Variants in PRKCE observed in about 807,000 individuals in gnomAD.
PRKCE encodes the protein protein kinase C epsilon type.
PRKCE carries 16 observed loss-of-function variants against 85.4 expected under a neutral mutation model. The observed-to-expected ratio is 0.19, with a 90% CI of 0.13 to 0.28. The LOEUF (loss-of-function observed/expected upper bound fraction) is 0.28. Among genes scored for constraint, PRKCE ranks in the 10% least tolerant of loss-of-function variants. The pLI is 1.00. For synonymous variants in PRKCE, 388 were observed against 371.5 expected, an observed-to-expected ratio of 1.04 and a Z score of -0.51; for missense variants, 573 against 975.2, an observed-to-expected ratio of 0.59 and a Z score of 5.49.
At chr2:46,077,299 A>C (rs1325322529) in intron 10 of PRKCE, among the ~76,000 whole-genome samples, 1 of 152,140 alleles carries the variant, frequency 6.6e-6, no homozygotes, top group Non-Finnish European at 1.5e-5. Flanking sequence ...TCATGGGTGT[A>C]TACTCATCTC....
intron 2 of PRKCE, among the ~76,000 whole-genome samples, chr2:45,864,642 C>G (rs1478781666): frequency 6.6e-6 from 1 of 152,154 alleles, no homozygotes; most frequent in Non-Finnish European, 1.5e-5. Flanking sequence ...AGGATTTATT[C>G]CCATACCAAG....
upstream of PRKCE, chr2:45,651,560 C>A (rs965329334): frequency 2.6e-5 from 4 of 155,576 alleles, no homozygotes; most frequent in Admixed American, 6.2e-5. Flanking sequence ...GTTCACCCCC[C>A]CGCCCCGCGC....
chr2:45,654,248 G>A (rs1675278173), intron 1 of PRKCE, among the ~76,000 whole-genome samples: 1 of 152,228 alleles, frequency 6.6e-6, no homozygotes, highest in Non-Finnish European at 1.5e-5. Flanking sequence ...TATCTCTGGT[G>A]ATGCTTCACT....
chr2:45,913,487 C>A (rs528093944), intron 2 of PRKCE, among the ~76,000 whole-genome samples: 1 of 152,210 alleles, frequency 6.6e-6, no homozygotes, highest in Non-Finnish European at 1.5e-5. Flanking sequence ...ACTCCCTGCT[C>A]AGTGGAGCTC....
intron 2 of PRKCE, among the ~76,000 whole-genome samples, chr2:45,935,941 C>T (rs997288843): frequency 2.0e-5 from 3 of 152,204 alleles, no homozygotes; most frequent in African/African-American, 4.8e-5. Context: ...GGCTGGCTGG[C>T]GCCTTGCAGT....
Position 46,107,127 on chromosome 2 carries a change from A to G in PRKCE, c.1592+20765A>G, listed in dbSNP as rs74872640. The stretch of plus-strand genomic sequence containing the variant: ...ACAACATAGTTACATTGGCTGAAAA[A>G]CCCCCTGTGCTTTACCTATCCAACT... On this transcript the variant is annotated intron_variant, in intron 11 of 14. Transcript: ENST00000306156. Among the ~76,000 whole-genome samples the G allele has an allele frequency of 3.1e-3, 470 of 151,674 alleles. 5 individuals are homozygous for G. The highest frequency in any genetic ancestry group is 0.017 in the Middle Eastern group (5 of 294).
intron 2 of PRKCE, among the ~76,000 whole-genome samples, chr2:45,932,194 T>C (rs1040022173): frequency 1.3e-5 from 2 of 152,238 alleles, no homozygotes; most frequent in African/African-American, 4.8e-5. Flanking sequence ...GTGTATACTG[T>C]TGTGTCTGGT....
At chr2:46,062,213 G>C (rs961319954) in intron 10 of PRKCE, among the ~76,000 whole-genome samples, 1 of 152,164 alleles carries the variant, frequency 6.6e-6, no homozygotes, top group African/African-American at 2.4e-5. Flanking sequence ...AAAGCCCTGT[G>C]TCAGATGCTG....
intron 11 of PRKCE, among the ~76,000 whole-genome samples, chr2:46,123,923 CA>C (rs372087049): frequency 2.4e-4 from 37 of 152,380 alleles, no homozygotes; most frequent in African/African-American, 8.7e-4. Context: ...CACTGATTGA[CA>C]GGGGTGCTAA....
intron 1 of PRKCE, among the ~76,000 whole-genome samples, chr2:45,660,547 C>G (rs1675589977): frequency 6.6e-6 from 1 of 152,182 alleles, no homozygotes; most frequent in Non-Finnish European, 1.5e-5. Context: ...ATACAAAACC[C>G]TTTGTAGTTG....
intron 11 of PRKCE, among the ~76,000 whole-genome samples, chr2:46,114,690 A>T (rs924026571): frequency 6.6e-6 from 1 of 150,406 alleles, no homozygotes; most frequent in Non-Finnish European, 1.5e-5. Flanking sequence ...AAGTGCTGAG[A>T]TTACAGGCAT....
At chr2:45,812,598 G>T (rs1243445008) in intron 1 of PRKCE, among the ~76,000 whole-genome samples, 1 of 152,226 alleles carries the variant, frequency 6.6e-6, no homozygotes, top group Non-Finnish European at 1.5e-5. Context: ...ACAAGCTTGT[G>T]ATGAGGATTA....
At chr2:45,714,493 A>T (rs2104399477) in intron 1 of PRKCE, among the ~76,000 whole-genome samples, 2 of 152,396 alleles carry the variant, frequency 1.3e-5, no homozygotes, top group East Asian at 3.8e-4. Context: ...CAGGACAGAC[A>T]CATCTCAGGA....
intron 11 of PRKCE, among the ~76,000 whole-genome samples, chr2:46,092,785 A>G (rs1001495752): frequency 1.3e-5 from 2 of 152,170 alleles, no homozygotes; most frequent in African/African-American, 4.8e-5. Flanking sequence ...TAGTCCTGCC[A>G]TCCTGCTAGT....
At position 45,973,933 on chromosome 2, in the gene PRKCE, G is replaced by A. The variant is rs1362991871; in HGVS notation, c.413-2496G>A. 3.9e-5 allele frequency among the ~76,000 whole-genome samples: 6 copies of A among 152,198 alleles called. No individual in the cohort carries two copies. In the East Asian group the frequency reaches 1.2e-3, roughly 29 times the overall value. ...ATTTGAGAGATTTGTAAATCAAATT[G>A]CATCTTAAATGCATTAGGAGACGGG... On this transcript the variant is annotated intron_variant, in intron 2 of 14. Coordinates refer to ENST00000306156, the MANE Select transcript of PRKCE (RefSeq NM_005400.3).
chr2:45,805,780 G>A (rs899218195), intron 1 of PRKCE, among the ~76,000 whole-genome samples: 2 of 151,982 alleles, frequency 1.3e-5, no homozygotes, highest in Non-Finnish European at 2.9e-5. Context: ...TGTATTTTTA[G>A]TAGAGACAGG....
chr2:45,783,386 AC>A (rs1375610881), intron 1 of PRKCE, among the ~76,000 whole-genome samples: 1 of 152,104 alleles, frequency 6.6e-6, no homozygotes, highest in East Asian at 1.9e-4. Flanking sequence ...ACCCCCACCC[AC>A]CGAAGGCTGC....
intron 1 of PRKCE, among the ~76,000 whole-genome samples, chr2:45,839,135 AT>A (rs142131154): frequency 6.0e-5 from 9 of 150,922 alleles, no homozygotes; most frequent in South Asian, 4.2e-4. Context: ...TAAAAAAAAA[AT>A]TTTTTTTTTT....
chr2:45,942,817 A>G (rs1000618512), intron 2 of PRKCE, among the ~76,000 whole-genome samples: 3 of 152,222 alleles, frequency 2.0e-5, no homozygotes, highest in Admixed American at 6.5e-5. Flanking sequence ...CTAAATGAGT[A>G]TATATATCAA....
Sources: gnomAD v4.1 joint callset for allele counts (sites outside exome capture counted in the v4.1 genomes callset) on GRCh38, gnomAD v4.1.1 for gene constraint, MANE v1.5 for transcripts, NCBI Gene and HGNC (gene_info 2026-07-23, HGNC 2026-07-21) for gene names.